Variants in TAFA5 observed in about 807,000 individuals in gnomAD.
TAFA5 encodes the protein chemokine-like protein TAFA-5.
TAFA5 carries 6 observed loss-of-function variants against 15.3 expected under a neutral mutation model. The ratio of observed to expected loss-of-function variants is 0.39; its 90% CI spans 0.21 to 0.77. TAFA5 has a LOEUF of 0.77. Among genes scored for constraint, TAFA5 ranks in the 30% least tolerant of loss-of-function variants. The pLI, the probability that TAFA5 is intolerant of heterozygous loss-of-function variation, is 0.41. For missense variants in TAFA5, 161 were observed against 193.1 expected (o/e 0.83, Z 0.98); for synonymous variants, 103 against 80.7 (o/e 1.28, Z -1.48).
intron 1 of TAFA5, among the ~76,000 whole-genome samples, chr22:48,525,566 C>T (rs961517476): frequency 2.0e-5 from 3 of 152,198 alleles, no homozygotes; most frequent in African/African-American, 7.2e-5. Context: ...CCAGGTCCAC[C>T]CTCTGCCTCA....
intron 1 of TAFA5, among the ~76,000 whole-genome samples, chr22:48,644,885 C>A (rs547986551): frequency 1.3e-5 from 2 of 152,356 alleles, no homozygotes; most frequent in South Asian, 4.1e-4. Context: ...TCCCTGCCAT[C>A]CTGTTGTCCT....
chr22:48,563,776 G>A (rs962282266), intron 1 of TAFA5, among the ~76,000 whole-genome samples: 2 of 152,184 alleles, frequency 1.3e-5, no homozygotes, highest in South Asian at 4.1e-4. Flanking sequence ...CCTGACAAAG[G>A]TCAAGACCCC....
At chr22:48,641,641 A>T in intron 1 of TAFA5, among the ~76,000 whole-genome samples, 1 of 99,892 alleles carries the variant, frequency 1.0e-5, no homozygotes, top group African/African-American at 3.8e-5. Flanking sequence ...CCCCCCGCAC[A>T]CCCTCCCCTC....
chr22:48,614,417 C>T (rs746809243), intron 1 of TAFA5, among the ~76,000 whole-genome samples: 25 of 152,234 alleles, frequency 1.6e-4, no homozygotes, highest in Non-Finnish European at 3.5e-4. Flanking sequence ...CATTCTTAGA[C>T]ACCCTTATAC....
At chr22:48,748,371 C>A (rs1167308020) in intron 3 of TAFA5, among the ~76,000 whole-genome samples, 1 of 152,232 alleles carries the variant, frequency 6.6e-6, no homozygotes, top group Admixed American at 6.5e-5. Context: ...GAGCTCAGAG[C>A]CAGCTTCCTT....
chr22:48,561,347 G>C (rs1380171783), intron 1 of TAFA5, among the ~76,000 whole-genome samples: 1 of 152,160 alleles, frequency 6.6e-6, no homozygotes, highest in Non-Finnish European at 1.5e-5. Flanking sequence ...CCCTTTGCAG[G>C]TTTGTGAATT....
chr22:48,539,430 T>C lies in TAFA5; in HGVS notation c.112+49726T>C, dbSNP rs563518949. On this transcript the variant is annotated intron_variant, in intron 1 of 3. Transcript: ENST00000402357. Reference sequence around the variant, plus strand: ...TGTTTCCCAGGCAGGAAAAGCTGTTTTGATTTCCCTCTTGGCATCTGTTCT... The same window carrying C: ...TGTTTCCCAGGCAGGAAAAGCTGTTCTGATTTCCCTCTTGGCATCTGTTCT... The C allele has an allele frequency of 1.0e-4, 48 of 471,250 alleles. 1 individual carries two copies. Among genetic ancestry groups the C allele is most frequent in the South Asian group, 7.1e-4 (46 of 64,574 alleles). 29.2% of individuals were successfully genotyped at this position (471,250 alleles called of 1,614,324 possible).
chr22:48,523,537 C>A (rs1187466319), intron 1 of TAFA5, among the ~76,000 whole-genome samples: 1 of 152,200 alleles, frequency 6.6e-6, no homozygotes, highest in African/African-American at 2.4e-5. Context: ...GGCCCCGGCT[C>A]TCTGCCTTCA....
chr22:48,530,405 C>T lies in TAFA5; in HGVS notation c.112+40701C>T, dbSNP rs1013506646. Among the ~76,000 whole-genome samples the T allele has an allele frequency of 3.3e-5, 5 of 152,156 alleles. No homozygotes were observed. Among genetic ancestry groups the T allele is most frequent in the African/African-American group, 7.2e-5 (3 of 41,434 alleles). On this transcript the variant is annotated intron_variant, in intron 1 of 3. Coordinates refer to ENST00000402357, the MANE Select transcript of TAFA5 (RefSeq NM_001082967.3). The surrounding 1 kb of genome is among the most constrained non-coding windows in gnomAD (Gnocchi z 6.0). The stretch of plus-strand genomic sequence containing the variant: ...AGAGAAGGAATGCACCGGGCACTGT[C>T]GTGGGGCCGGCATTCAACTGAAAGG...
chr22:48,502,322 C>G (rs1215964393), intron 1 of TAFA5, among the ~76,000 whole-genome samples: 1 of 152,092 alleles, frequency 6.6e-6, no homozygotes, highest in Non-Finnish European at 1.5e-5. Context: ...TCAGTATCTC[C>G]TGTGTATTTG....
chr22:48,616,656 C>T (rs1925616859), intron 1 of TAFA5, among the ~76,000 whole-genome samples: 1 of 152,230 alleles, frequency 6.6e-6, no homozygotes, highest in African/African-American at 2.4e-5. Flanking sequence ...GCACTTTGTC[C>T]CACCAGATGG....
chr22:48,533,282 G>A (rs571927648), intron 1 of TAFA5, among the ~76,000 whole-genome samples: 1 of 152,294 alleles, frequency 6.6e-6, no homozygotes, highest in Non-Finnish European at 1.5e-5. Context: ...GTGAGGGGGA[G>A]GGGTGCAGCC....
rs114431993 is a variant in TAFA5, at chr22:48,594,136, C to G, written c.113-52461C>G. ...CACAGAGTGGCCCTGTGTTTGCACT[C>G]TTTCTCTGGGGATGCACAGGGGCGG... is the stretch of plus-strand genomic sequence containing the variant. On this transcript the variant is annotated intron_variant, in intron 1 of 3. Transcript: ENST00000402357. 5.0e-3 allele frequency among the ~76,000 whole-genome samples: 755 copies of G among 152,282 alleles called. 4 individuals carry two copies. Among genetic ancestry groups the G allele is most frequent in the African/African-American group, 0.017 (723 of 41,576 alleles).
At chr22:48,601,481 C>G (rs1924971459) in intron 1 of TAFA5, among the ~76,000 whole-genome samples, 1 of 152,134 alleles carries the variant, frequency 6.6e-6, no homozygotes, top group Non-Finnish European at 1.5e-5. Context: ...CATGCACCAC[C>G]ATGCCCGGCG....
chr22:48,644,768 C>T (rs545195240), intron 1 of TAFA5, among the ~76,000 whole-genome samples: 2 of 152,184 alleles, frequency 1.3e-5, no homozygotes, highest in Non-Finnish European at 2.9e-5. Context: ...GCTGTAGAAA[C>T]GGCTGCTGGA....
intron 1 of TAFA5, among the ~76,000 whole-genome samples, chr22:48,575,400 G>A (rs1047442769): frequency 2.7e-5 from 4 of 147,280 alleles, no homozygotes; most frequent in Non-Finnish European, 4.5e-5. Context: ...ACGGCGGCGG[G>A]CGCGGGCCGG....
At chr22:48,670,365 G>T (rs1455428467) in intron 2 of TAFA5, among the ~76,000 whole-genome samples, 1 of 152,246 alleles carries the variant, frequency 6.6e-6, no homozygotes, top group Non-Finnish European at 1.5e-5. Flanking sequence ...GAAGGCTCTT[G>T]CTGGACCAAG....
At chr22:48,645,696 C>T (rs368279989) in intron 1 of TAFA5, among the ~76,000 whole-genome samples, 60 of 152,124 alleles carry the variant, frequency 3.9e-4, no homozygotes, top group South Asian at 1.9e-3. Context: ...AGCCTGTCCA[C>T]GACACCCATG....
intron 2 of TAFA5, among the ~76,000 whole-genome samples, chr22:48,697,786 TGATGATGATGG>T (rs1230103134): frequency 9.1e-6 from 1 of 110,344 alleles, no homozygotes; most frequent in East Asian, 6.2e-4. Context: ...ATGATGATGG[TGATGATGATGG>T]TGATGATGAT....
Sources: allele counts gnomAD v4.1 joint callset (sites outside exome capture counted in the v4.1 genomes callset), GRCh38; gene constraint gnomAD v4.1.1; non-coding constraint Gnocchi (gnomAD v3.1); transcripts MANE v1.5; gene names NCBI Gene and HGNC (gene_info 2026-07-23, HGNC 2026-07-21).